Variants in LYPLA1 observed in about 807,000 individuals in gnomAD.
The protein encoded by LYPLA1 is lysophospholipase 1.
A neutral mutation model predicts 34.0 loss-of-function variants in LYPLA1; 17 were observed. That is an observed-to-expected ratio of 0.50 (90% CI 0.34 to 0.75). The LOEUF is 0.75. Ranked by LOEUF, LYPLA1 falls within the 30% of genes least tolerant of loss-of-function variation. LYPLA1 has a pLI of 0.01. For synonymous variants in LYPLA1, 98 were observed against 100.8 expected (o/e 0.97, Z 0.17); for missense variants, 203 against 288.8 (o/e 0.70, Z 2.15).
At chr8:54,065,459 A>AAAATAAAT (rs4014133) in intron 3 of LYPLA1, among the ~76,000 whole-genome samples, 2,721 of 145,962 alleles carry the variant, frequency 0.019, 46 homozygotes, top group African/African-American at 0.038. Context: ...CTCTGTCTCA[A>AAAATAAAT]AAATAAATAA....
chr8:54,089,340 T>A lies in LYPLA1; in HGVS notation c.101+11568A>T, dbSNP rs199542844. ...TTTTGAGAGAGAGATCACATTCACA[T>A]AACTTTTATTACAGTATGTTGTTAT... is the stretch of plus-strand genomic sequence containing the variant. On this transcript the variant is annotated intron_variant, in intron 2 of 8. Transcript: ENST00000316963. 2.0e-5 allele frequency among the ~76,000 whole-genome samples: 3 copies of A among 152,178 alleles called. No homozygotes were observed. The East Asian group carries it at 5.8e-4, about 29-fold the overall frequency.
intron 2 of LYPLA1, among the ~76,000 whole-genome samples, chr8:54,098,403 G>T (rs1809853761): frequency 6.6e-6 from 1 of 152,100 alleles, no homozygotes; most frequent in African/African-American, 2.4e-5. Flanking sequence ...TTCAGGCCAG[G>T]CATGGTGGCT....
At chr8:54,084,142 A>ATTTT (rs1808526197) in intron 2 of LYPLA1, among the ~76,000 whole-genome samples, 17 of 93,880 alleles carry the variant, frequency 1.8e-4, no homozygotes, top group African/African-American at 6.7e-4. Flanking sequence ...AAATAAATAA[A>ATTTT]TATATATATA....
intron 2 of LYPLA1, among the ~76,000 whole-genome samples, chr8:54,084,755 G>A (rs747547500): frequency 6.6e-6 from 1 of 152,136 alleles, no homozygotes; most frequent in Non-Finnish European, 1.5e-5. Context: ...TAAGAGAACA[G>A]TATGAACAAT....
chr8:54,052,778 G>C (rs755051915), intron 6 of LYPLA1, 22 bp from the exon 7 acceptor site: 1 of 1,473,552 alleles, frequency 6.8e-7, no homozygotes, highest in Non-Finnish European at 9.5e-7. Context: ...AGCAGGGAAA[G>C]TCAATGGAAC....
intron 2 of LYPLA1, among the ~76,000 whole-genome samples, chr8:54,092,070 G>A (rs1397971484): frequency 2.0e-5 from 3 of 151,734 alleles, no homozygotes; most frequent in African/African-American, 4.8e-5. Flanking sequence ...AGACCCTGTC[G>A]AAGCAAGGAG....
At chr8:54,043,852 C>G (rs1805425059), downstream of LYPLA1, among the ~76,000 whole-genome samples, 2 of 152,102 alleles carry the variant, frequency 1.3e-5, no homozygotes, top group South Asian at 2.1e-4. Flanking sequence ...TGAGCCACCA[C>G]ACCCGGCCTC....
At chr8:54,079,528 T>G (rs567646846) in intron 2 of LYPLA1, among the ~76,000 whole-genome samples, 4 of 152,226 alleles carry the variant, frequency 2.6e-5, no homozygotes, top group Non-Finnish European at 5.9e-5. Flanking sequence ...CTAGACTGGG[T>G]GCAGTGGCTC....
Position 54,055,105 on chromosome 8 carries a change from C to T in LYPLA1, c.315G>A (p.Lys105=). The change falls in exon 6 of 9, where the codon AAG becomes AAA. Residue 105 remains lysine (K), a synonymous_variant. Transcript: ENST00000316963. ...TAATTCTGTTAGAAGGAATGCCATTCTTCACTTCTTGATCAATCAAAGCTT... is the reference window on the plus strand; with the variant it reads ...TAATTCTGTTAGAAGGAATGCCATTTTTCACTTCTTGATCAATCAAAGCTT... ...NIKALIDQEV[K]NGIPSNRIIL... is the part of the protein sequence containing the mutation. 4 of 1,610,010 alleles carry T rather than the reference C, an allele frequency of 2.5e-6. No homozygotes were observed. Among genetic ancestry groups the T allele is most frequent in the Non-Finnish European group, 3.4e-6 (4 of 1,176,856 alleles).
Position 54,063,358 on chromosome 8 carries a change from GTAACAGGCC to G in LYPLA1, c.176_184del (p.Arg59_Val61del). On this transcript the variant is annotated inframe_deletion, in exon 4 of 9. Coordinates refer to ENST00000316963, the MANE Select transcript of LYPLA1 (RefSeq NM_006330.4). ...AGGCATAGCCACGTTCATATTTAAT[GTAACAGGCC>G]TAACAGGCCTACATGGAAAAGAAAA... is the stretch of plus-strand genomic sequence containing the variant. 2 of 1,539,912 alleles carry G rather than the reference GTAACAGGCC, an allele frequency of 1.3e-6. No homozygotes were observed. Among genetic ancestry groups the G allele is most frequent in the Non-Finnish European group, 8.8e-7 (1 of 1,140,968 alleles).
intron 2 of LYPLA1, chr8:54,073,047 C>T (rs1051925379): frequency 1.6e-5 from 8 of 501,982 alleles, no homozygotes; most frequent in Non-Finnish European, 2.6e-5. Flanking sequence ...TACCATCTCA[C>T]AGCAGGCAGA....
At chr8:54,085,956 G>A (rs1419620420) in intron 2 of LYPLA1, among the ~76,000 whole-genome samples, 2 of 152,108 alleles carry the variant, frequency 1.3e-5, no homozygotes, top group Admixed American at 6.5e-5. Flanking sequence ...CATTGAGAAC[G>A]GGCCATGATG....
chr8:54,048,254 A>T, intron 8 of LYPLA1, 136 bp from the exon 9 acceptor site: 1 of 605,004 alleles, frequency 1.7e-6, no homozygotes. Context: ...AATAAGACAA[A>T]AGAGAAATGA....
intron 8 of LYPLA1, among the ~76,000 whole-genome samples, chr8:54,048,845 C>A (rs1031981093): frequency 6.6e-6 from 1 of 152,200 alleles, no homozygotes; most frequent in Non-Finnish European, 1.5e-5. Context: ...ACTCTGAAGT[C>A]CCAAAGAGTT....
At chr8:54,077,392 A>T (rs1464281048) in intron 2 of LYPLA1, among the ~76,000 whole-genome samples, 3 of 152,242 alleles carry the variant, frequency 2.0e-5, no homozygotes, top group African/African-American at 7.2e-5. Context: ...CCTATCAGGT[A>T]CTACGCTTAT....
chr8:54,086,123 T>A (rs887796365), intron 2 of LYPLA1, among the ~76,000 whole-genome samples: 3 of 152,078 alleles, frequency 2.0e-5, no homozygotes, highest in African/African-American at 7.2e-5. Flanking sequence ...ATCTATAACC[T>A]TACCCCCAAC....
rs552528398 is a variant in LYPLA1, at chr8:54,092,276, AGAAG to A, written c.101+8628_101+8631del. 7.4e-5 allele frequency among the ~76,000 whole-genome samples: 11 copies of A among 149,236 alleles called. No individual in the cohort carries two copies. The East Asian group carries it at 2.2e-3, about 30-fold the overall frequency. ...AGAAGGAGAAGGAGGAGAAGGAGAA[AGAAG>A]GAAGAGAAGGAGGGGGAAGAGAAGG... On this transcript the variant is annotated intron_variant, in intron 2 of 8. Transcript: ENST00000316963.
intron 2 of LYPLA1, 62 bp from the exon 3 acceptor site, chr8:54,065,875 G>C (rs1807026377): frequency 9.7e-7 from 1 of 1,029,484 alleles, no homozygotes. Flanking sequence ...TAAGTAAGTA[G>C]CAGAAGAGTA....
At chr8:54,086,226 C>T (rs1231910495) in intron 2 of LYPLA1, among the ~76,000 whole-genome samples, 1 of 151,606 alleles carries the variant, frequency 6.6e-6, no homozygotes, top group East Asian at 1.9e-4. Context: ...TGCTTGAAGG[C>T]AGCATACTCG....
Sources: allele counts gnomAD v4.1 joint callset (sites outside exome capture counted in the v4.1 genomes callset), GRCh38; gene constraint gnomAD v4.1.1; transcripts MANE v1.5; gene names NCBI Gene and HGNC (gene_info 2026-07-23, HGNC 2026-07-21).